Variants in RASGRP3 observed in about 807,000 individuals in gnomAD.
RASGRP3 encodes the protein RAS guanyl releasing protein 3, also known as ras guanyl-releasing protein 3.
A neutral mutation model predicts 82.7 loss-of-function variants in RASGRP3; 54 were observed. The observed-to-expected ratio is 0.65, with a 90% CI of 0.52 to 0.82. The LOEUF is 0.82. RASGRP3 is among the 40% of genes least tolerant of loss of function. The pLI is 0.00. For synonymous variants in RASGRP3, 309 were observed against 300.5 expected (o/e 1.03, Z -0.29); for missense variants, 861 against 828.9 (o/e 1.04, Z -0.48).
At chr2:33,536,405 T>C (rs1673616907) in intron 11 of RASGRP3, among the ~76,000 whole-genome samples, 1 of 151,492 alleles carries the variant, frequency 6.6e-6, no homozygotes, top group Non-Finnish European at 1.5e-5. Flanking sequence ...ATCAAACAGC[T>C]GCTAAGTTGG....
At chr2:33,543,390 C>A (rs181354901) in intron 12 of RASGRP3, 122 bp from the exon 13 acceptor site, 1 of 608,958 alleles carries the variant, frequency 1.6e-6, no homozygotes, top group South Asian at 2.3e-5. Flanking sequence ...ACTTAGTTAT[C>A]TTTCACTAGA....
chr2:33,475,966 A>G (rs1276560368), upstream of RASGRP3, among the ~76,000 whole-genome samples: 2 of 152,226 alleles, frequency 1.3e-5, no homozygotes, highest in East Asian at 3.8e-4. Context: ...AGTTTGGTCT[A>G]AAGCTACCTG....
At position 33,558,898 on chromosome 2, in the gene RASGRP3, A is replaced by C. The variant is rs751180500; in HGVS notation, c.1932A>C (p.Ala644=). The C allele has an allele frequency of 6.2e-7, 1 of 1,613,910 alleles. No homozygotes were observed. Among genetic ancestry groups the C allele is most frequent in the African/African-American group, 1.3e-5 (1 of 74,938 alleles). The change falls in exon 17 of 18, where the codon GCA becomes GCC. Residue 644 remains alanine, a synonymous_variant. Coordinates refer to ENST00000403687, the MANE Select transcript of RASGRP3 (RefSeq NM_001139488.2). ...PKMKSKFHDK[A]AKDKGFAKWE... The stretch of plus-strand genomic sequence containing the variant: ...TGAAATCCAAGTTCCATGACAAAGC[A>C]GCAAAGGACAAAGGCTTTGCCAAAT...
rs188132513 is a variant in RASGRP3, at chr2:33,519,327, T to C, written c.174-625T>C. On this transcript the variant is annotated intron_variant, in intron 4 of 17. Transcript: ENST00000403687. ...TACAAAATCTTTTTGGTTAAAATAG[T>C]GTTTCTCGGCCAGGCGCGGTGGCTC... Among the ~76,000 whole-genome samples the C allele has an allele frequency of 1.0e-3, 159 of 152,270 alleles. 1 individual carries two copies. Among genetic ancestry groups the C allele is most frequent in the East Asian group, 1.2e-3 (6 of 5,176 alleles).
intron 1 of RASGRP3, among the ~76,000 whole-genome samples, chr2:33,509,667 T>C (rs1031187955): frequency 6.6e-6 from 1 of 152,332 alleles, no homozygotes; most frequent in South Asian, 2.1e-4. Flanking sequence ...CCCTACCTGC[T>C]CTGTGCTCCA....
At chr2:33,509,421 G>T (rs1670720116) in intron 1 of RASGRP3, among the ~76,000 whole-genome samples, 1 of 151,774 alleles carries the variant, frequency 6.6e-6, no homozygotes, top group African/African-American at 2.4e-5. Flanking sequence ...ATCCAGATAT[G>T]ATCATGCCAT....
intron 11 of RASGRP3, among the ~76,000 whole-genome samples, chr2:33,537,320 A>ACCCCCCCC: frequency 3.0e-5 from 1 of 33,322 alleles, no homozygotes; most frequent in East Asian, 6.2e-4. Flanking sequence ...ACACACACAC[A>ACCCCCCCC]CCGCCCCCCC....
At chr2:33,440,974 C>T (rs1420824181) in intron 1 of RASGRP3, among the ~76,000 whole-genome samples, 2 of 152,132 alleles carry the variant, frequency 1.3e-5, no homozygotes, top group African/African-American at 2.4e-5. Context: ...CTTGCTGCAG[C>T]CTCCACCTCC....
At position 33,460,250 on chromosome 2, in the gene RASGRP3, A is replaced by G. The variant is rs1047351754; in HGVS notation, c.-261+12307A>G. Among the ~76,000 whole-genome samples the G allele has an allele frequency of 7.9e-5, 12 of 152,334 alleles. 1 individual carries two copies. In the South Asian group the frequency reaches 1.9e-3, roughly 24 times the overall value. ...ATGATTGACTTTGGAGCCAATATCA[A>G]TGGCCATGATACATTATTAAGGGAA... is the stretch of plus-strand genomic sequence containing the variant. On this transcript the variant is annotated intron_variant, in intron 2 of 18. Transcript: ENST00000402538.
chr2:33,458,379 G>A (rs1666161632), intron 2 of RASGRP3, among the ~76,000 whole-genome samples: 1 of 152,178 alleles, frequency 6.6e-6, no homozygotes, highest in African/African-American at 2.4e-5. Flanking sequence ...CTTGTGCTCA[G>A]TTGTTTGTGT....
chr2:33,532,636 G>C (rs1357663844), intron 10 of RASGRP3: 2 of 152,174 alleles, frequency 1.3e-5, no homozygotes, highest in African/African-American at 2.4e-5. Context: ...CTGTTCAGGG[G>C]AAGGTGAATA....
intron 11 of RASGRP3, among the ~76,000 whole-genome samples, chr2:33,538,300 C>T (rs536422030): frequency 1.5e-4 from 23 of 151,948 alleles, no homozygotes; most frequent in African/African-American, 4.8e-4. Context: ...GTCAGGAGTT[C>T]GAGACCAGCC....
rs972004675 is a variant in RASGRP3 at position 33,469,067 on chromosome 2, T to C, written c.-261+21124T>C. On this transcript the variant is annotated intron_variant, in intron 2 of 18. Coordinates refer to the RASGRP3 transcript ENST00000402538. ...TGTCAAGTTTATAGATAATAAATTG[T>C]ATCTTATCGTTGTTTAATGTATACT... Among the ~76,000 whole-genome samples, 6 of 152,224 alleles carry C rather than the reference T, an allele frequency of 3.9e-5. No homozygotes were observed. In the South Asian group the frequency reaches 1.2e-3, roughly 31 times the overall value.
intron 17 of RASGRP3, among the ~76,000 whole-genome samples, chr2:33,559,807 A>C (rs1044929365): frequency 6.6e-6 from 1 of 152,208 alleles, no homozygotes; most frequent in Non-Finnish European, 1.5e-5. Context: ...TACTGGATCA[A>C]GCCAGTGCTC....
chr2:33,555,438 C>G (rs1675842677), intron 14 of RASGRP3, 93 bp from the exon 15 acceptor site: 1 of 1,141,958 alleles, frequency 8.8e-7, no homozygotes, highest in African/African-American at 1.5e-5. Flanking sequence ...CCTGGCCAGT[C>G]CTGAAGCTTC....
chr2:33,506,095 G>T (rs1433837373), intron 1 of RASGRP3, among the ~76,000 whole-genome samples: 1 of 152,184 alleles, frequency 6.6e-6, no homozygotes, highest in Non-Finnish European at 1.5e-5. Flanking sequence ...TGTGAGATGA[G>T]CTCTGAGCTG....
chr2:33,539,358 G>A (rs1305906060), intron 12 of RASGRP3, 148 bp downstream of exon 12: 6 of 638,476 alleles, frequency 9.4e-6, no homozygotes, highest in Non-Finnish European at 1.7e-5. Context: ...AGTCCTACCA[G>A]GCATTGGGTC....
Position 33,558,668 on chromosome 2 carries a change from C to T in RASGRP3, c.1706-4C>T. ...AAATAATCACCACCCTTTTTCACTT[C>T]CAGCGCAGGATGAGGTGTTTGAGTT... On this transcript the variant is annotated splice_region_variant and splice_polypyrimidine_tract_variant and intron_variant, in intron 16 of 17. Coordinates refer to ENST00000403687, the MANE Select transcript of RASGRP3 (RefSeq NM_001139488.2). The T allele has an allele frequency of 6.3e-7, 1 of 1,581,422 alleles. No individual in the cohort carries two copies. The highest frequency in any genetic ancestry group is 8.6e-7 in the Non-Finnish European group (1 of 1,165,518).
At chr2:33,442,200 C>G (rs1665259831) in intron 1 of RASGRP3, among the ~76,000 whole-genome samples, 1 of 152,190 alleles carries the variant, frequency 6.6e-6, no homozygotes. Flanking sequence ...TCCATCTCTA[C>G]TAAAAATACA....
Sources: gnomAD v4.1 joint callset for allele counts (sites outside exome capture counted in the v4.1 genomes callset) on GRCh38, gnomAD v4.1.1 for gene constraint, MANE v1.5 for transcripts, NCBI Gene and HGNC (gene_info 2026-07-23, HGNC 2026-07-21) for gene names.